The following OR8G1 variants were observed in gnomAD, a reference collection of about 807,000 sequenced individuals.
OR8G1 encodes olfactory receptor 8G1.
For synonymous variants in OR8G1, 129 were observed against 133.3 expected, an observed-to-expected ratio of 0.97 and a Z score of 0.22; for missense variants, 372 against 356.2, an observed-to-expected ratio of 1.04 and a Z score of -0.36.
chr11:124,247,450 G>C (rs964554265), intron 1 of OR8G1, among the ~76,000 whole-genome samples: 6 of 151,858 alleles, frequency 4.0e-5, no homozygotes, highest in Admixed American at 6.6e-5. Flanking sequence ...TTAAATTTAG[G>C]AAAGTTGAGA....
rs1024114861 is a variant in OR8G1, at chr11:124,253,806, A to G, written c.*3195A>G. 1 of 152,132 alleles carries G rather than the reference A, an allele frequency of 6.6e-6. No individual in the cohort carries two copies. The highest frequency in any genetic ancestry group is 1.5e-5 in the Non-Finnish European group (1 of 68,016). 9.4% of individuals were successfully genotyped at this position (152,132 alleles called of 1,614,324 possible). A position where few individuals can be genotyped will look rare whatever the true frequency, so the allele number is the denominator to read the frequency against. ...ATTCCACATGTATGTGAGATCATGT[A>G]GTATTTGTCTTTCTGTGCCTGGCTT... On this transcript the variant is annotated 3_prime_UTR_variant, in exon 3 of 3. Transcript: ENST00000641972.
rs1386622908 is a variant in OR8G1 at position 124,250,121 on chromosome 11, A to T, written c.446A>T (p.Tyr149Phe). The change falls in exon 3 of 3, where the codon TAT (tyrosine) becomes TTT (phenylalanine). Residue 149 changes from tyrosine (Y) to phenylalanine (F), a missense_variant. Tyr to Phe is a conservative substitution (Grantham distance 22). Coordinates refer to ENST00000641972, the MANE Select transcript of OR8G1 (RefSeq NM_001002905.2). Reference protein sequence around the residue: ...KACFSLILGVYIIGLVCASVH... With the variant: ...KACFSLILGVFIIGLVCASVH... ...TGCTTTTCTCTGATTTTAGGGGTGTATATAATAGGCCTGGTTTGTGCATCA... is the reference window on the plus strand; with the variant it reads ...TGCTTTTCTCTGATTTTAGGGGTGTTTATAATAGGCCTGGTTTGTGCATCA... 1.2e-6 allele frequency: 2 copies of T among 1,613,736 alleles called. No homozygotes were observed. Among genetic ancestry groups the T allele is most frequent in the Non-Finnish European group, 8.5e-7 (1 of 1,179,798 alleles).
Position 124,253,814 on chromosome 11 carries a change from T to C in OR8G1, c.*3203T>C, listed in dbSNP as rs766921621. ...TGTATGTGAGATCATGTAGTATTTGTCTTTCTGTGCCTGGCTTATTTCATG... is the reference window on the plus strand; with the variant it reads ...TGTATGTGAGATCATGTAGTATTTGCCTTTCTGTGCCTGGCTTATTTCATG... On this transcript the variant is annotated 3_prime_UTR_variant, in exon 3 of 3. Transcript: ENST00000641972. 14 of 152,308 alleles carry C rather than the reference T, an allele frequency of 9.2e-5. No individual in the cohort carries two copies. Among genetic ancestry groups the C allele is most frequent in the South Asian group, 4.1e-4 (2 of 4,826 alleles). 9.4% of individuals were successfully genotyped at this position (152,308 alleles called of 1,614,324 possible).
intron 1 of OR8G1, among the ~76,000 whole-genome samples, chr11:124,247,253 A>C (rs1418930859): frequency 1.3e-5 from 2 of 151,860 alleles, no homozygotes; most frequent in Non-Finnish European, 2.9e-5. Context: ...GAGTAATACA[A>C]TTGGAAAATT....
chr11:124,250,157 G>T lies in OR8G1; in HGVS notation c.482G>T (p.Gly161Val). The change falls in exon 3 of 3, where the codon GGC (glycine) becomes GTC (valine). Residue 161 changes from glycine to valine, a missense_variant. Physicochemically the swap from Gly to Val is moderately radical, Grantham distance 109. Coordinates refer to ENST00000641972, the MANE Select transcript of OR8G1 (RefSeq NM_001002905.2). ...IGLVCASVHT[G>V]CMFRVQFCKF... is the part of the protein sequence containing the mutation. Reference sequence around the variant, plus strand: ...CTGGTTTGTGCATCAGTTCATACAGGCTGTATGTTTAGGGTTCAATTCTGC... The same window carrying T: ...CTGGTTTGTGCATCAGTTCATACAGTCTGTATGTTTAGGGTTCAATTCTGC... 1.9e-6 allele frequency: 3 copies of T among 1,613,758 alleles called. No homozygotes were observed. Among genetic ancestry groups the T allele is most frequent in the Non-Finnish European group, 2.5e-6 (3 of 1,179,834 alleles).
intron 1 of OR8G1, among the ~76,000 whole-genome samples, chr11:124,242,109 G>T (rs1250689464): frequency 6.6e-6 from 1 of 150,734 alleles, no homozygotes; most frequent in African/African-American, 2.4e-5. Flanking sequence ...TATACTTTAA[G>T]TTTTAGGGTA....
chr11:124,243,222 C>T (rs1861776657), intron 1 of OR8G1, among the ~76,000 whole-genome samples: 1 of 151,866 alleles, frequency 6.6e-6, no homozygotes, highest in African/African-American at 2.4e-5. Context: ...TTGCTACTGT[C>T]ATATATACCC....
chr11:124,242,641 A>T (rs1201631339), intron 1 of OR8G1, among the ~76,000 whole-genome samples: 1 of 151,788 alleles, frequency 6.6e-6, no homozygotes, highest in Non-Finnish European at 1.5e-5. Context: ...TCTAGCCATT[A>T]TTTTTTTTAT....
rs1283168496 is a variant in OR8G1, at chr11:124,245,674, T to C, written c.-96-2127T>C. ...ATTTCTCCACATCCTCTCCAGCACCTGTTGTTTCCTGACTTTTTAATGATT... is the reference window on the plus strand; with the variant it reads ...ATTTCTCCACATCCTCTCCAGCACCCGTTGTTTCCTGACTTTTTAATGATT... On this transcript the variant is annotated intron_variant, in intron 1 of 2. Coordinates refer to ENST00000641972, the MANE Select transcript of OR8G1 (RefSeq NM_001002905.2). 6.8e-3 allele frequency among the ~76,000 whole-genome samples: 957 copies of C among 140,392 alleles called. 10 individuals carry two copies. The highest frequency in any genetic ancestry group is 0.025 in the African/African-American group (906 of 35,946). 92.1% of individuals were successfully genotyped at this position (140,392 alleles called of 152,430 possible).
chr11:124,253,539 C>A lies in OR8G1; in HGVS notation c.*2928C>A, dbSNP rs1432860242. Reference sequence around the variant, plus strand: ...TTTGAATGTGTGTGTGTGTGTATAGCGAAATGCCTAAATTGAGCTAGTTAA... The same window carrying A: ...TTTGAATGTGTGTGTGTGTGTATAGAGAAATGCCTAAATTGAGCTAGTTAA... On this transcript the variant is annotated 3_prime_UTR_variant, in exon 3 of 3. Coordinates refer to ENST00000641972, the MANE Select transcript of OR8G1 (RefSeq NM_001002905.2). 2.0e-5 allele frequency: 3 copies of A among 151,786 alleles called. No homozygotes were observed. Among genetic ancestry groups the A allele is most frequent in the African/African-American group, 7.3e-5 (3 of 41,304 alleles). The allele number at this position is 151,786 out of a possible 1,614,324, so 9.4% of individuals were successfully genotyped here.
Position 124,250,128 on chromosome 11 carries a change from A to T in OR8G1, c.453A>T (p.Ile151=), listed in dbSNP as rs999509455. The T allele has an allele frequency of 6.2e-7, 1 of 1,613,670 alleles. No homozygotes were observed. Among genetic ancestry groups the T allele is most frequent in the Non-Finnish European group, 8.5e-7 (1 of 1,179,834 alleles). The change falls in exon 3 of 3, where the codon ATA becomes ATT. Residue 151 remains isoleucine, a synonymous_variant. Transcript: ENST00000641972. ...CTCTGATTTTAGGGGTGTATATAAT[A>T]GGCCTGGTTTGTGCATCAGTTCATA... ...CFSLILGVYI[I]GLVCASVHTG... is the part of the protein sequence containing the mutation.
intron 1 of OR8G1, among the ~76,000 whole-genome samples, chr11:124,243,403 T>A (rs1861778727): frequency 6.6e-6 from 1 of 152,022 alleles, no homozygotes; most frequent in African/African-American, 2.4e-5. Flanking sequence ...AATACATTTT[T>A]AAATGTATAT....
At chr11:124,241,718 A>G (rs1861762749) in intron 1 of OR8G1, among the ~76,000 whole-genome samples, 1 of 152,162 alleles carries the variant, frequency 6.6e-6, no homozygotes, top group African/African-American at 2.4e-5. Context: ...AATATTTACC[A>G]GACATCAGAA....
At chr11:124,248,395 T>C (rs933198540) in intron 2 of OR8G1, among the ~76,000 whole-genome samples, 3 of 151,878 alleles carry the variant, frequency 2.0e-5, no homozygotes, top group African/African-American at 7.2e-5. Flanking sequence ...GTTTTGTTTA[T>C]GTGTGTCTGT....
chr11:124,253,146 T>C lies in OR8G1; in HGVS notation c.*2535T>C, dbSNP rs1480899715. The C allele has an allele frequency of 6.6e-6, 1 of 152,178 alleles. No homozygotes were observed. Among genetic ancestry groups the C allele is most frequent in the Non-Finnish European group, 1.5e-5 (1 of 68,038 alleles). 9.4% of individuals were successfully genotyped at this position (152,178 alleles called of 1,614,324 possible). On this transcript the variant is annotated 3_prime_UTR_variant, in exon 3 of 3. Transcript: ENST00000641972. ...TAGAAAACTATTTATGTTTGCTGAG[T>C]GCAGTGGCTCATGCCTGTAGTCCCA...
chr11:124,245,350 T>C (rs1861801423), intron 1 of OR8G1, among the ~76,000 whole-genome samples: 1 of 151,164 alleles, frequency 6.6e-6, no homozygotes, highest in South Asian at 2.1e-4. Context: ...GAACTCATCA[T>C]TTTTTATGGC....
In OR8G1 at chr11:124,253,887, T is replaced by C. The variant is rs1311272496; in HGVS notation, c.*3276T>C. 6.6e-6 allele frequency: 1 copy of C among 152,174 alleles called. No homozygotes were observed. The highest frequency in any genetic ancestry group is 1.9e-4 in the East Asian group (1 of 5,204). The allele number at this position is 152,174 out of a possible 1,614,324, so 9.4% of individuals were successfully genotyped here. ...ATCTGTATTGTTGCAAATTTTTAAA[T>C]CTAAATATTATTCCATTGTGCACAT... On this transcript the variant is annotated 3_prime_UTR_variant, in exon 3 of 3. Coordinates refer to ENST00000641972, the MANE Select transcript of OR8G1 (RefSeq NM_001002905.2).
rs1173345377 is a variant in OR8G1, at chr11:124,251,922, T to C, written c.*1311T>C. On this transcript the variant is annotated 3_prime_UTR_variant, in exon 3 of 3. Coordinates refer to ENST00000641972, the MANE Select transcript of OR8G1 (RefSeq NM_001002905.2). ...ACGTGATCAAATACAATAAGCTATG[T>C]TTCTATAACCAGAAGAAATATTTCA... is the stretch of plus-strand genomic sequence containing the variant. 4 of 152,490 alleles carry C rather than the reference T, an allele frequency of 2.6e-5. No homozygotes were observed. In the East Asian group the frequency reaches 7.7e-4, roughly 29 times the overall value. The allele number at this position is 152,490 out of a possible 1,614,324, so 9.4% of individuals were successfully genotyped here. A position where few individuals can be genotyped will look rare whatever the true frequency, so the allele number is the denominator to read the frequency against.
chr11:124,249,566 G>A, intron 2 of OR8G1, 94 bp from the exon 3 acceptor site: 3 of 1,276,450 alleles, frequency 2.4e-6, no homozygotes, highest in Non-Finnish European at 2.1e-6. Flanking sequence ...GATACCTAAA[G>A]CATGAATATC....
Sources: allele counts gnomAD v4.1 joint callset (sites outside exome capture counted in the v4.1 genomes callset), GRCh38; gene constraint gnomAD v4.1.1; transcripts MANE v1.5; gene names NCBI Gene and HGNC (gene_info 2026-07-23, HGNC 2026-07-21).